Variants in MECOM observed in about 807,000 individuals in gnomAD.
The protein encoded by MECOM is MDS1 and EVI1 complex locus, also known as histone-lysine N-methyltransferase MECOM.
In MECOM, 13 loss-of-function variants were observed where a neutral mutation model predicts 116.3. That is an observed-to-expected ratio of 0.11 (90% CI 0.07 to 0.18). The LOEUF (loss-of-function observed/expected upper bound fraction) is 0.18, where lower values mean the gene tolerates loss of function less well. Among genes scored for constraint, MECOM ranks in the 10% least tolerant of loss-of-function variants. MECOM has a pLI of 1.00. For synonymous variants in MECOM, 528 were observed against 535.2 expected, an observed-to-expected ratio of 0.99 and a Z score of 0.19; for missense variants, 1,299 against 1,509.0, an observed-to-expected ratio of 0.86 and a Z score of 2.31.
Position 169,154,195 on chromosome 3 carries a change from T to C in MECOM, c.376-10363A>G, listed in dbSNP as rs1172558968. Among the ~76,000 whole-genome samples, 5 of 152,234 alleles carry C rather than the reference T, an allele frequency of 3.3e-5. No individual in the cohort carries two copies. In the East Asian group the frequency reaches 5.8e-4, roughly 18 times the overall value. On this transcript the variant is annotated intron_variant, in intron 2 of 16. Transcript: ENST00000651503. ...ATTCTGCAGCAAAGGTGGAATACCA[T>C]TGAGTTCCAGAGCCCTAAAAACGAG... is the stretch of plus-strand genomic sequence containing the variant.
intron 1 of MECOM, among the ~76,000 whole-genome samples, chr3:169,389,908 A>G (rs1199874274): frequency 6.6e-6 from 1 of 152,216 alleles, no homozygotes; most frequent in African/African-American, 2.4e-5. Flanking sequence ...TTAGTTGAGG[A>G]CTAACCATTG....
intron 2 of MECOM, among the ~76,000 whole-genome samples, chr3:169,298,409 ATG>A (rs1243992004): frequency 1.3e-5 from 2 of 151,908 alleles, no homozygotes; most frequent in African/African-American, 2.4e-5. Context: ...GCAGAGAGAA[ATG>A]TGTCTTTATA....
chr3:169,376,701 A>G (rs2108233036), intron 2 of MECOM, among the ~76,000 whole-genome samples: 1 of 152,326 alleles, frequency 6.6e-6, no homozygotes, highest in East Asian at 1.9e-4. Context: ...ATGGAAAAAA[A>G]TTCCATGCTA....
At chr3:169,249,005 C>T (rs1411416316) in intron 2 of MECOM, among the ~76,000 whole-genome samples, 1 of 152,166 alleles carries the variant, frequency 6.6e-6, no homozygotes, top group Non-Finnish European at 1.5e-5. Flanking sequence ...CATTTATAGG[C>T]AGGGTTCCAG....
intron 2 of MECOM, among the ~76,000 whole-genome samples, chr3:169,256,788 G>A (rs919360859): frequency 4.6e-5 from 7 of 152,198 alleles, no homozygotes; most frequent in Admixed American, 4.6e-4. Flanking sequence ...CTAGCTCCCT[G>A]CTCCTACCTT....
intron 2 of MECOM, among the ~76,000 whole-genome samples, chr3:169,200,643 G>T (rs1468797056): frequency 1.3e-5 from 2 of 152,072 alleles, no homozygotes; most frequent in Non-Finnish European, 2.9e-5. Context: ...GTAGAGCAAA[G>T]TCAAGTCAGA....
intron 1 of MECOM, among the ~76,000 whole-genome samples, chr3:169,459,305 A>T (rs558848527): frequency 6.6e-6 from 1 of 152,236 alleles, no homozygotes; most frequent in Non-Finnish European, 1.5e-5. Context: ...TGAGTCAAGC[A>T]GTTACTATGA....
chr3:169,322,935 G>GT (rs1721140514), intron 2 of MECOM, among the ~76,000 whole-genome samples: 2 of 131,598 alleles, frequency 1.5e-5, no homozygotes, highest in Admixed American at 9.0e-5. Context: ...GGGGGGCAGA[G>GT]TTTGCAGTGA....
At chr3:169,659,485 C>CA (rs1240496166) in intron 1 of MECOM, among the ~76,000 whole-genome samples, 2 of 90,606 alleles carry the variant, frequency 2.2e-5, no homozygotes, top group African/African-American at 9.5e-5. Flanking sequence ...CAAAACACAT[C>CA]AAAATACTGC....
intron 1 of MECOM, among the ~76,000 whole-genome samples, chr3:169,559,969 A>C (rs533006159): frequency 3.3e-5 from 5 of 152,192 alleles, no homozygotes; most frequent in Non-Finnish European, 7.3e-5. Context: ...ATACAGGATA[A>C]TCTGAAACTT....
intron 8 of MECOM, among the ~76,000 whole-genome samples, chr3:169,115,067 C>A (rs1002439712): frequency 6.6e-6 from 1 of 152,118 alleles, no homozygotes. Context: ...CTCATTCTTC[C>A]GCCACTTGAC....
At chr3:169,411,532 T>C (rs1737555711) in intron 1 of MECOM, among the ~76,000 whole-genome samples, 1 of 152,212 alleles carries the variant, frequency 6.6e-6, no homozygotes, top group Non-Finnish European at 1.5e-5. Flanking sequence ...AGATGTATGC[T>C]TGGTTTCCTG....
At chr3:169,259,267 CT>C (rs1306325768) in intron 2 of MECOM, among the ~76,000 whole-genome samples, 5 of 152,178 alleles carry the variant, frequency 3.3e-5, no homozygotes, top group Non-Finnish European at 5.9e-5. Flanking sequence ...CACTTTACAA[CT>C]GTTCATAGTT....
chr3:169,489,781 T>C (rs1396295603), intron 1 of MECOM, among the ~76,000 whole-genome samples: 1 of 152,086 alleles, frequency 6.6e-6, no homozygotes, highest in Non-Finnish European at 1.5e-5. Context: ...AAATAGAAAT[T>C]TTTAAAAGAG....
intron 1 of MECOM, among the ~76,000 whole-genome samples, chr3:169,434,176 C>A (rs1383015134): frequency 1.3e-5 from 2 of 152,052 alleles, no homozygotes; most frequent in African/African-American, 4.8e-5. Context: ...AGATACTAAA[C>A]AAATATACAG....
intron 1 of MECOM, 79 bp downstream of exon 1, chr3:169,663,257 C>T (rs1490815987): frequency 2.2e-5 from 33 of 1,525,074 alleles, no homozygotes; most frequent in Non-Finnish European, 2.8e-5. Context: ...GCCCGCGCTC[C>T]CTCCCGGAGC....
At chr3:169,316,418 A>G (rs1719754801) in intron 2 of MECOM, among the ~76,000 whole-genome samples, 1 of 152,224 alleles carries the variant, frequency 6.6e-6, no homozygotes, top group Non-Finnish European at 1.5e-5. Context: ...TTTGAGGGTG[A>G]GGCAGTCATA....
chr3:169,568,199 GC>G (rs1763472604), intron 1 of MECOM, among the ~76,000 whole-genome samples: 2 of 152,166 alleles, frequency 1.3e-5, no homozygotes, highest in African/African-American at 4.8e-5. Flanking sequence ...CAGATACTAT[GC>G]TTTTCCAACT....
intron 2 of MECOM, among the ~76,000 whole-genome samples, chr3:169,316,304 G>C (rs1489863202): frequency 1.3e-5 from 2 of 152,192 alleles, no homozygotes; most frequent in Admixed American, 1.3e-4. Context: ...TTGTTAAAAG[G>C]TGGTGGCCTT....
Sources: gnomAD v4.1 joint callset for allele counts (sites outside exome capture counted in the v4.1 genomes callset) on GRCh38, gnomAD v4.1.1 for gene constraint, MANE v1.5 for transcripts, NCBI Gene and HGNC (gene_info 2026-07-23, HGNC 2026-07-21) for gene names.